UBAP2: variants seen among roughly 807,000 people sequenced by gnomAD.
The protein encoded by UBAP2 is ubiquitin associated protein 2, also known as ubiquitin-associated protein 2.
In UBAP2, 75 loss-of-function variants were observed where a neutral mutation model predicts 139.6. The observed-to-expected ratio is 0.54, with a 90% CI of 0.45 to 0.65. The LOEUF is 0.65. UBAP2 is among the 30% of genes least tolerant of loss of function. The probability of loss-of-function intolerance (pLI) is 0.00; values close to 1 mark genes in which losing one functional copy is unlikely to be tolerated. For synonymous variants in UBAP2, 526 were observed against 526.2 expected (o/e 1.00, Z 0.01); for missense variants, 1,368 against 1,369.6 (o/e 1.00, Z 0.02).
intron 1 of UBAP2, among the ~76,000 whole-genome samples, chr9:34,021,507 T>C (rs1401257443): frequency 6.6e-6 from 1 of 152,226 alleles, no homozygotes; most frequent in African/African-American, 2.4e-5. Flanking sequence ...TGTTTTGCCA[T>C]GATTCCATTT....
intron 1 of UBAP2, among the ~76,000 whole-genome samples, chr9:34,018,231 T>G (rs1220427501): frequency 1.5e-4 from 1 of 6,794 alleles, no homozygotes; most frequent in Non-Finnish European, 1.9e-3. Flanking sequence ...CGATTACAAT[T>G]TTTTTTTTTT....
In UBAP2 at chr9:33,960,882, T is replaced by C. The variant is rs374645219; in HGVS notation, c.746-4A>G. 79 of 1,613,952 alleles carry C rather than the reference T, an allele frequency of 4.9e-5. 1 individual carries two copies. Among genetic ancestry groups the C allele is most frequent in the African/African-American group, 1.7e-4 (13 of 74,896 alleles). On this transcript the variant is annotated splice_polypyrimidine_tract_variant and splice_region_variant and intron_variant, in intron 9 of 28. Coordinates refer to ENST00000379238, the MANE Select transcript of UBAP2 (RefSeq NM_001370062.2). Reference sequence around the variant, plus strand: ...TCCACAGAATTCTTCCAAGCCCCTGTTGGGAAACAACAGCAATCAAAGTTT... The same window carrying C: ...TCCACAGAATTCTTCCAAGCCCCTGCTGGGAAACAACAGCAATCAAAGTTT...
chr9:34,018,228 AAT>A (rs1491544759), intron 1 of UBAP2, among the ~76,000 whole-genome samples: 1 of 66,072 alleles, frequency 1.5e-5, no homozygotes, highest in Admixed American at 2.1e-4. Flanking sequence ...TAGCGATTAC[AAT>A]TTTTTTTTTT....
intron 2 of UBAP2, among the ~76,000 whole-genome samples, chr9:34,016,215 G>A (rs1238817496): frequency 3.4e-5 from 5 of 146,418 alleles, no homozygotes; most frequent in African/African-American, 1.3e-4. Context: ...AGGAATAGGA[G>A]GAAGAGGAGG....
At chr9:33,930,374 G>C (rs1823862304) in intron 19 of UBAP2, among the ~76,000 whole-genome samples, 1 of 152,064 alleles carries the variant, frequency 6.6e-6, no homozygotes, top group Non-Finnish European at 1.5e-5. Flanking sequence ...AACATTCTCT[G>C]TGGTATCAAG....
At chr9:34,040,039 A>G in intron 1 of UBAP2, among the ~76,000 whole-genome samples, 1 of 151,658 alleles carries the variant, frequency 6.6e-6, no homozygotes, top group Non-Finnish European at 1.5e-5. Context: ...CATGCCTGTA[A>G]TCCCAGCTAC....
At chr9:33,987,687 T>C (rs866616503) in intron 5 of UBAP2, among the ~76,000 whole-genome samples, 3 of 152,218 alleles carry the variant, frequency 2.0e-5, no homozygotes, top group South Asian at 2.1e-4. Context: ...TAAATTAACA[T>C]ACTGATTTTT....
intron 1 of UBAP2, among the ~76,000 whole-genome samples, chr9:34,045,487 C>T (rs908004810): frequency 2.6e-5 from 4 of 152,116 alleles, no homozygotes; most frequent in Non-Finnish European, 5.9e-5. Flanking sequence ...AATTCTACCG[C>T]CTCAGCCTCT....
At chr9:33,980,669 T>C (rs1678415086) in intron 6 of UBAP2, among the ~76,000 whole-genome samples, 1 of 152,062 alleles carries the variant, frequency 6.6e-6, no homozygotes, top group Non-Finnish European at 1.5e-5. Flanking sequence ...TTAAATGAAA[T>C]AGCAGGCCAG....
chr9:33,936,618 T>C (rs1824540823), intron 16 of UBAP2, among the ~76,000 whole-genome samples: 1 of 151,960 alleles, frequency 6.6e-6, no homozygotes, highest in East Asian at 1.9e-4. Context: ...TACTCCAGCA[T>C]GGGCAACAGA....
At chr9:33,948,030 G>A (rs1471437478) in intron 13 of UBAP2, among the ~76,000 whole-genome samples, 1 of 146,828 alleles carries the variant, frequency 6.8e-6, no homozygotes, top group Non-Finnish European at 1.5e-5. Flanking sequence ...CACATTCTAT[G>A]TTCTATCACC....
In UBAP2 at chr9:33,941,825, C is replaced by G; in HGVS notation, c.1753G>C (p.Val585Leu). The G allele has an allele frequency of 1.9e-6, 3 of 1,613,842 alleles. No homozygotes were observed. Among genetic ancestry groups the G allele is most frequent in the Non-Finnish European group, 2.5e-6 (3 of 1,179,956 alleles). The change falls in exon 16 of 29, where the codon GTA (valine) becomes CTA (leucine). Residue 585 changes from valine to leucine, a missense_variant. By Grantham distance (32) the Val-to-Leu change is conservative. Transcript: ENST00000379238. ...LNTSLSMTSAVQNSTYTTSVI... is the reference protein window; with the variant it reads ...LNTSLSMTSALQNSTYTTSVI... ...GAAGTTGTATATGTGGAGTTCTGTA[C>G]TGCACTGGTCATTGATAAAGATGTA... is the stretch of plus-strand genomic sequence containing the variant.
chr9:33,982,668 C>T (rs1179083115), intron 6 of UBAP2, among the ~76,000 whole-genome samples: 1 of 152,104 alleles, frequency 6.6e-6, no homozygotes, highest in African/African-American at 2.4e-5. Flanking sequence ...CACCATACCC[C>T]CTGCAGAATT....
chr9:33,944,222 A>T, intron 14 of UBAP2, 143 bp downstream of exon 14: 2 of 1,094,584 alleles, frequency 1.8e-6, no homozygotes. Context: ...TCACTCAGAA[A>T]TGGCCATATC....
At chr9:33,943,329 G>T in intron 15 of UBAP2, 91 bp downstream of exon 15, 1 of 1,314,256 alleles carries the variant, frequency 7.6e-7, no homozygotes, top group Non-Finnish European at 1.1e-6. Flanking sequence ...TAAACACTGA[G>T]GATAGCTATT....
chr9:33,978,452 G>A (rs377554962), intron 6 of UBAP2, among the ~76,000 whole-genome samples: 3 of 152,032 alleles, frequency 2.0e-5, no homozygotes, highest in Non-Finnish European at 4.4e-5. Context: ...TATATAGACC[G>A]TATTCATGCA....
At chr9:34,007,000 G>C (rs1823277742) in intron 2 of UBAP2, among the ~76,000 whole-genome samples, 1 of 152,112 alleles carries the variant, frequency 6.6e-6, no homozygotes, top group African/African-American at 2.4e-5. Flanking sequence ...TATATATAAA[G>C]GCTAATTTTT....
intron 1 of UBAP2, among the ~76,000 whole-genome samples, chr9:34,030,450 AAAAC>A (rs753178288): frequency 2.6e-5 from 4 of 151,960 alleles, no homozygotes; most frequent in East Asian, 2.0e-4. Flanking sequence ...TTCCATCTCA[AAAAC>A]AAACAAACAA....
At chr9:33,978,019 A>G (rs1469934426) in intron 6 of UBAP2, among the ~76,000 whole-genome samples, 1 of 148,514 alleles carries the variant, frequency 6.7e-6, no homozygotes, top group East Asian at 2.0e-4. Context: ...TGTCTTTTAA[A>G]AAAAAAAAAA....
Sources: allele counts gnomAD v4.1 joint callset (sites outside exome capture counted in the v4.1 genomes callset), GRCh38; gene constraint gnomAD v4.1.1; transcripts MANE v1.5; gene names NCBI Gene and HGNC (gene_info 2026-07-23, HGNC 2026-07-21).